TCP11: variants seen among roughly 807,000 people sequenced by gnomAD.
The protein encoded by TCP11 is T-complex protein 11 homolog.
TCP11 carries 34 observed loss-of-function variants against 45.0 expected under a neutral mutation model. That is an observed-to-expected ratio of 0.76 (90% CI 0.57 to 1.01). The LOEUF is 1.01. Among genes scored for constraint, TCP11 ranks in the 50% least tolerant of loss-of-function variants. The pLI, the probability that TCP11 is intolerant of heterozygous loss-of-function variation, is 0.00. For synonymous variants in TCP11, 227 were observed against 227.0 expected, an observed-to-expected ratio of 1.00 and a Z score of 0.00; for missense variants, 523 against 598.1, an observed-to-expected ratio of 0.87 and a Z score of 1.31.
In TCP11 at chr6:35,120,675, T is replaced by C. The variant is rs1357073717; in HGVS notation, c.716-29A>G. The C allele has an allele frequency of 6.3e-7, 1 of 1,588,342 alleles. No individual in the cohort carries two copies. Among genetic ancestry groups the C allele is most frequent in the Admixed American group, 1.7e-5 (1 of 57,494 alleles). On this transcript the variant is annotated intron_variant, in intron 6 of 9. Coordinates refer to ENST00000311875, the MANE Select transcript of TCP11 (RefSeq NM_001370687.1). This position sits in a 1 kb window ranked among gnomAD's most constrained non-coding sequence, Gnocchi z 4.9. ...TGACAGGTAAGGGAGTGTGTAAGCA[T>C]CTTTAGCATCTTCATCTCTGAGGCT...
intron 4 of TCP11, among the ~76,000 whole-genome samples, chr6:35,123,408 T>A (rs1163194055): frequency 3.3e-5 from 5 of 151,988 alleles, no homozygotes; most frequent in Non-Finnish European, 7.4e-5. Context: ...AGTGATATCC[T>A]CCAAGGTGAA....
At chr6:35,140,702 TAAGC>T in intron 2 of TCP11, 41 bp downstream of exon 2, 1 of 1,394,584 alleles carries the variant, frequency 7.2e-7, no homozygotes, top group Non-Finnish European at 9.8e-7. Flanking sequence ...CCCCCCACAC[TAAGC>T]ACCCCCTAGG....
chr6:35,120,368 A>G lies in TCP11; in HGVS notation c.934-28T>C. ...GGGAACCAGGGAAGAACAGGCTGTC[A>G]GGGGAAGTCCCGATGGAAGCCCTGA... is the stretch of plus-strand genomic sequence containing the variant. On this transcript the variant is annotated intron_variant, in intron 7 of 9. Transcript: ENST00000311875. The surrounding 1 kb of genome is among the most constrained non-coding windows in gnomAD (Gnocchi z 4.9). 6.2e-7 allele frequency: 1 copy of G among 1,604,702 alleles called. No individual in the cohort carries two copies. The highest frequency in any genetic ancestry group is 8.5e-7 in the Non-Finnish European group (1 of 1,173,960).
intron 2 of TCP11, chr6:35,140,498 GA>G (rs1459177676): frequency 1.9e-5 from 12 of 627,124 alleles, no homozygotes; most frequent in Non-Finnish European, 3.5e-5. Context: ...GGAGGGCTTT[GA>G]ACCGACTCAG....
Position 35,120,842 on chromosome 6 carries a change from C to T in TCP11, c.715+67G>A, listed in dbSNP as rs1309811789. The T allele has an allele frequency of 9.7e-6, 15 of 1,541,574 alleles. No individual in the cohort carries two copies. The highest frequency in any genetic ancestry group is 1.3e-5 in the Non-Finnish European group (15 of 1,140,312). ...TTCCTAAAAAGAGATAGAGTACTCT[C>T]TAACATTATAAAAGTCAGACCCAAG... is the stretch of plus-strand genomic sequence containing the variant. On this transcript the variant is annotated intron_variant, in intron 6 of 9. Coordinates refer to ENST00000311875, the MANE Select transcript of TCP11 (RefSeq NM_001370687.1). This position sits in a 1 kb window ranked among gnomAD's most constrained non-coding sequence, Gnocchi z 4.9.
chr6:35,135,756 G>A (rs967214487), intron 3 of TCP11, among the ~76,000 whole-genome samples: 7 of 152,112 alleles, frequency 4.6e-5, no homozygotes, highest in Admixed American at 3.9e-4. Flanking sequence ...CAACCAAAAC[G>A]GAAAAATGAA....
At chr6:35,134,789 A>G (rs570213604) in intron 3 of TCP11, among the ~76,000 whole-genome samples, 1 of 152,256 alleles carries the variant, frequency 6.6e-6, no homozygotes, top group Admixed American at 6.5e-5. Context: ...AACTGTATTC[A>G]CATCTTTGTG....
At chr6:35,135,988 C>T (rs1781035197) in intron 3 of TCP11, 119 bp downstream of exon 3, 2 of 647,864 alleles carry the variant, frequency 3.1e-6, no homozygotes, top group Admixed American at 6.7e-5. Context: ...GTTGAGACCT[C>T]TCAAGTTTAA....
chr6:35,141,159 G>A lies in TCP11; in HGVS notation c.-15+46C>T, dbSNP rs868310109. 9.8e-6 allele frequency: 13 copies of A among 1,322,706 alleles called. No individual in the cohort carries two copies. In the South Asian group the frequency reaches 2.0e-4, roughly 20 times the overall value. 81.9% of individuals were successfully genotyped at this position (1,322,706 alleles called of 1,614,324 possible). On this transcript the variant is annotated intron_variant, in intron 1 of 9. Coordinates refer to ENST00000311875, the MANE Select transcript of TCP11 (RefSeq NM_001370687.1). ...TCCTTCGCGGCGAGGTGCCCCCCTC[G>A]CCCGAAACGCCGGCCCAGGCCCGCC...
intron 3 of TCP11, among the ~76,000 whole-genome samples, chr6:35,133,261 T>A (rs964350375): frequency 2.0e-5 from 3 of 152,108 alleles, no homozygotes; most frequent in Non-Finnish European, 4.4e-5. Flanking sequence ...ACTGCAGCCT[T>A]GACCTCCCAG....
intron 1 of TCP11, 117 bp from the exon 2 acceptor site, chr6:35,141,001 G>T: frequency 7.5e-7 from 1 of 1,342,262 alleles, no homozygotes; most frequent in Non-Finnish European, 9.8e-7. Context: ...TGGGGGTGCT[G>T]AGGGGCAGAA....
intron 3 of TCP11, among the ~76,000 whole-genome samples, chr6:35,135,866 C>T (rs956108372): frequency 1.3e-5 from 2 of 152,206 alleles, no homozygotes; most frequent in Admixed American, 6.5e-5. Context: ...CTGAAATCCA[C>T]CATATTTATT....
At chr6:35,141,178 G>T in intron 1 of TCP11, 27 bp downstream of exon 1, 1 of 1,369,460 alleles carries the variant, frequency 7.3e-7, no homozygotes, top group South Asian at 1.7e-5. Flanking sequence ...GCCGGCCCAG[G>T]CCCGCCTCCG....
intron 4 of TCP11, among the ~76,000 whole-genome samples, chr6:35,126,215 T>C (rs1413360796): frequency 1.3e-5 from 2 of 152,222 alleles, no homozygotes; most frequent in African/African-American, 4.8e-5. Context: ...TATGGCCCAT[T>C]CCCCAGGGAG....
At chr6:35,138,996 T>G (rs1469865329) in intron 2 of TCP11, among the ~76,000 whole-genome samples, 2 of 152,202 alleles carry the variant, frequency 1.3e-5, no homozygotes, top group Non-Finnish European at 2.9e-5. Context: ...GAGACCAGCC[T>G]GGCCGACATG....
At position 35,136,088 on chromosome 6, in the gene TCP11, AAAG is replaced by A. The variant is rs781479533; in HGVS notation, c.236+16_236+18del. ...CTAAGCCAGGATGAGCAACATGAAG[AAAG>A]AAGAAGAGTCTATACCTGCTTGGAG... On this transcript the variant is annotated intron_variant, in intron 3 of 9. Transcript: ENST00000311875. 41 of 1,598,384 alleles carry A rather than the reference AAAG, an allele frequency of 2.6e-5. No homozygotes were observed. Among genetic ancestry groups the A allele is most frequent in the Admixed American group, 1.0e-4 (6 of 59,114 alleles).
intron 3 of TCP11, among the ~76,000 whole-genome samples, chr6:35,135,706 T>C (rs918972428): frequency 6.6e-6 from 1 of 151,554 alleles, no homozygotes; most frequent in African/African-American, 2.4e-5. Context: ...CATACCTGCC[T>C]AGGTAACAGA....
At chr6:35,129,498 T>C (rs911443460) in intron 3 of TCP11, among the ~76,000 whole-genome samples, 3 of 152,234 alleles carry the variant, frequency 2.0e-5, no homozygotes, top group African/African-American at 7.2e-5. Context: ...CTAGATAACT[T>C]GATTTCCATT....
rs138678244 is a variant in TCP11 at position 35,139,707 on chromosome 6, A to G, written c.124+1040T>C. Among the ~76,000 whole-genome samples the G allele has an allele frequency of 2.5e-3, 377 of 152,312 alleles. 4 individuals are homozygous for G. The highest frequency in any genetic ancestry group is 8.7e-3 in the African/African-American group (361 of 41,566). ...AAAGTTCATAGCCTGCCTTGATAAG[A>G]CTTCTGTTGCTCAAAAGTTACACAG... On this transcript the variant is annotated intron_variant, in intron 2 of 9. Transcript: ENST00000311875.
Sources: gnomAD v4.1 joint callset for allele counts (sites outside exome capture counted in the v4.1 genomes callset) on GRCh38, gnomAD v4.1.1 for gene constraint, Gnocchi (gnomAD v3.1) non-coding constraint, MANE v1.5 for transcripts, NCBI Gene and HGNC (gene_info 2026-07-23, HGNC 2026-07-21) for gene names.